The following GPR39 variants were observed in gnomAD, a reference collection of about 807,000 sequenced individuals.
The protein encoded by GPR39 is zinc sensing receptor.
A neutral mutation model predicts 18.4 loss-of-function variants in GPR39; 23 were observed. That is an observed-to-expected ratio of 1.25 (90% CI 0.90 to 1.77). The LOEUF (loss-of-function observed/expected upper bound fraction) is 1.77. Among genes scored for constraint, GPR39 ranks in the 40% most tolerant of loss-of-function variants. GPR39 has a pLI of 0.00. For missense variants in GPR39, 647 were observed against 602.4 expected, an observed-to-expected ratio of 1.07 and a Z score of -0.78; for synonymous variants, 280 against 257.9, an observed-to-expected ratio of 1.09 and a Z score of -0.82.
At chr2:132,536,634 T>A (rs1305192153) in intron 1 of GPR39, among the ~76,000 whole-genome samples, 2 of 152,254 alleles carry the variant, frequency 1.3e-5, no homozygotes, top group Admixed American at 1.3e-4. Flanking sequence ...GTTAATTTTC[T>A]GTTTTGTTGA....
At chr2:132,479,024 T>G (rs991493867) in intron 1 of GPR39, among the ~76,000 whole-genome samples, 1 of 152,106 alleles carries the variant, frequency 6.6e-6, no homozygotes, top group African/African-American at 2.4e-5. Flanking sequence ...AACCAAAACC[T>G]TCTTTCCCCA....
At chr2:132,531,905 A>G (rs1214312823) in intron 1 of GPR39, among the ~76,000 whole-genome samples, 2 of 152,148 alleles carry the variant, frequency 1.3e-5, no homozygotes, top group Admixed American at 6.6e-5. Flanking sequence ...CAGGAAAGAT[A>G]TAAAATTGAC....
intron 1 of GPR39, among the ~76,000 whole-genome samples, chr2:132,584,029 G>T (rs1680677288): frequency 6.6e-6 from 1 of 152,080 alleles, no homozygotes. Flanking sequence ...GGGAGGGAAA[G>T]TCAAAGAATT....
At chr2:132,538,494 T>G (rs879446647) in intron 1 of GPR39, among the ~76,000 whole-genome samples, 1 of 152,214 alleles carries the variant, frequency 6.6e-6, no homozygotes, top group African/African-American at 2.4e-5. Flanking sequence ...CAGCCCCTTT[T>G]GGGAGGTCTT....
intron 1 of GPR39, among the ~76,000 whole-genome samples, chr2:132,442,516 C>T (rs556994896): frequency 1.3e-5 from 2 of 152,310 alleles, no homozygotes; most frequent in East Asian, 1.9e-4. Flanking sequence ...TCTGGTCCTG[C>T]GTCCTTGAAA....
intron 1 of GPR39, among the ~76,000 whole-genome samples, chr2:132,481,497 CTGGG>C (rs1391109911): frequency 6.6e-6 from 1 of 152,156 alleles, no homozygotes; most frequent in Non-Finnish European, 1.5e-5. Context: ...AGGCCAGGAT[CTGGG>C]ATTGGAATGG....
At chr2:132,524,427 G>A (rs1164559386) in intron 1 of GPR39, among the ~76,000 whole-genome samples, 6 of 152,296 alleles carry the variant, frequency 3.9e-5, no homozygotes, top group South Asian at 2.1e-4. Flanking sequence ...CAGAGAGTGA[G>A]GGCTCCCTTC....
chr2:132,511,288 A>T (rs1679236702), intron 1 of GPR39, among the ~76,000 whole-genome samples: 1 of 152,218 alleles, frequency 6.6e-6, no homozygotes, highest in Admixed American at 6.5e-5. Flanking sequence ...TTTTTCTAAC[A>T]TAATTAATCT....
At chr2:132,436,068 C>G (rs1390955147) in intron 1 of GPR39, among the ~76,000 whole-genome samples, 1 of 152,178 alleles carries the variant, frequency 6.6e-6, no homozygotes, top group East Asian at 1.9e-4. Flanking sequence ...AGAAAGAGAG[C>G]TTTAGGCCCT....
At chr2:132,561,678 G>A (rs1294834108) in intron 1 of GPR39, among the ~76,000 whole-genome samples, 1 of 151,938 alleles carries the variant, frequency 6.6e-6, no homozygotes, top group Non-Finnish European at 1.5e-5. Context: ...TTGGCAAGCT[G>A]GATACCCAGG....
intron 1 of GPR39, among the ~76,000 whole-genome samples, chr2:132,558,168 C>T (rs1481136985): frequency 6.6e-6 from 1 of 151,988 alleles, no homozygotes; most frequent in Non-Finnish European, 1.5e-5. Flanking sequence ...CCTACAGAAG[C>T]GTCATCCTCC....
intron 1 of GPR39, among the ~76,000 whole-genome samples, chr2:132,604,056 C>T (rs1268289042): frequency 6.6e-6 from 1 of 152,142 alleles, no homozygotes; most frequent in Non-Finnish European, 1.5e-5. Flanking sequence ...ACTCCTACCT[C>T]CAAGATCCTT....
chr2:132,585,085 G>A (rs4378857), intron 1 of GPR39, among the ~76,000 whole-genome samples: 25,454 of 152,110 alleles, frequency 0.17, 3,160 homozygotes, highest in East Asian at 0.6. Flanking sequence ...CATTCTTTAC[G>A]TGGGAGCCCC....
intron 1 of GPR39, among the ~76,000 whole-genome samples, chr2:132,438,550 A>G (rs1680373756): frequency 7.1e-6 from 1 of 140,778 alleles, no homozygotes; most frequent in Admixed American, 7.2e-5. Context: ...TATATAGCTC[A>G]TGATACCTGT....
At chr2:132,629,945 G>T (rs1248983673) in intron 1 of GPR39, among the ~76,000 whole-genome samples, 2 of 152,146 alleles carry the variant, frequency 1.3e-5, no homozygotes, top group African/African-American at 4.8e-5. Flanking sequence ...TTGCAACCTG[G>T]ACCAAATTGG....
At chr2:132,443,730 T>C (rs1188467786) in intron 1 of GPR39, among the ~76,000 whole-genome samples, 1 of 152,230 alleles carries the variant, frequency 6.6e-6, no homozygotes, top group Non-Finnish European at 1.5e-5. Flanking sequence ...ATCTTTGGTA[T>C]TTTGTGACTT....
chr2:132,578,067 G>GT (rs34297392), intron 1 of GPR39, among the ~76,000 whole-genome samples: 48,275 of 131,642 alleles, frequency 0.37, 8,926 homozygotes, highest in East Asian at 0.75. Context: ...TTTTTCTAGA[G>GT]TTTTTTTTTT....
At chr2:132,557,907 T>A (rs976552712) in intron 1 of GPR39, among the ~76,000 whole-genome samples, 14 of 150,638 alleles carry the variant, frequency 9.3e-5, no homozygotes, top group South Asian at 4.2e-4. Context: ...CTGGTGACCT[T>A]GCTGTGGCAC....
At chr2:132,613,712 T>C (rs954178097) in intron 1 of GPR39, among the ~76,000 whole-genome samples, 2 of 152,252 alleles carry the variant, frequency 1.3e-5, no homozygotes, top group African/African-American at 4.8e-5. Context: ...TCCTGATACT[T>C]GTCCTCATCT....
Sources: gnomAD v4.1 joint callset for allele counts (sites outside exome capture counted in the v4.1 genomes callset) on GRCh38, gnomAD v4.1.1 for gene constraint, MANE v1.5 for transcripts, NCBI Gene and HGNC (gene_info 2026-07-23, HGNC 2026-07-21) for gene names.